The following PPP3CA variants were observed in gnomAD, a reference collection of about 807,000 sequenced individuals.
The protein encoded by PPP3CA is protein phosphatase 3 catalytic subunit alpha.
PPP3CA carries 14 observed loss-of-function variants against 66.5 expected under a neutral mutation model. The observed-to-expected ratio is 0.21, with a 90% CI of 0.14 to 0.33. The LOEUF (loss-of-function observed/expected upper bound fraction) is 0.33. PPP3CA is among the 10% of genes least tolerant of loss of function. The probability of loss-of-function intolerance (pLI) is 1.00; values close to 1 mark genes in which losing one functional copy is unlikely to be tolerated. For missense variants in PPP3CA, 317 were observed against 639.5 expected, an observed-to-expected ratio of 0.50 and a Z score of 5.44; for synonymous variants, 232 against 226.2, an observed-to-expected ratio of 1.03 and a Z score of -0.23.
intron 9 of PPP3CA, among the ~76,000 whole-genome samples, chr4:101,062,029 C>T (rs951466800): frequency 6.6e-6 from 1 of 151,984 alleles, no homozygotes; most frequent in Non-Finnish European, 1.5e-5. Flanking sequence ...TCCAGAGTTT[C>T]AGTTTAATTA....
intron 1 of PPP3CA, among the ~76,000 whole-genome samples, chr4:101,251,801 C>T (rs1169219818): frequency 6.6e-6 from 1 of 152,130 alleles, no homozygotes; most frequent in African/African-American, 2.4e-5. Context: ...CTGGAAGAAA[C>T]TTTCATCATT....
Position 101,130,597 on chromosome 4 carries a change from C to T in PPP3CA, c.260-21519G>A, listed in dbSNP as rs570810773. On this transcript the variant is annotated intron_variant, in intron 2 of 13. Transcript: ENST00000394854. ...CCAGAAGAGAGTGGGGGCCAATATT[C>T]AGCATTCTAAAAGAAAAGAATTTTC... 2.0e-5 allele frequency among the ~76,000 whole-genome samples: 3 copies of T among 152,256 alleles called. No individual in the cohort carries two copies. The East Asian group carries it at 5.8e-4, about 29-fold the overall frequency.
At chr4:101,123,304 T>C (rs1034169963) in intron 2 of PPP3CA, among the ~76,000 whole-genome samples, 2 of 152,140 alleles carry the variant, frequency 1.3e-5, no homozygotes, top group African/African-American at 4.8e-5. Flanking sequence ...ATGGGCATTG[T>C]TCATGGTGGA....
At chr4:101,081,855 C>G (rs556969494) in intron 7 of PPP3CA, among the ~76,000 whole-genome samples, 1 of 152,270 alleles carries the variant, frequency 6.6e-6, no homozygotes, top group African/African-American at 2.4e-5. Flanking sequence ...AAACAAAATC[C>G]ATGTGAAAGA....
At chr4:101,204,554 CA>C (rs1725070660) in intron 1 of PPP3CA, among the ~76,000 whole-genome samples, 2 of 147,916 alleles carry the variant, frequency 1.4e-5, no homozygotes, top group African/African-American at 5.0e-5. Context: ...GAGAATGGCG[CA>C]AACCTGGGAA....
chr4:101,057,273 T>C (rs1306887230), intron 10 of PPP3CA, among the ~76,000 whole-genome samples: 1 of 152,168 alleles, frequency 6.6e-6, no homozygotes, highest in African/African-American at 2.4e-5. Context: ...GCCAGGCTAG[T>C]CTCCAACTCC....
intron 2 of PPP3CA, among the ~76,000 whole-genome samples, chr4:101,150,893 T>C (rs1295252875): frequency 3.3e-5 from 5 of 152,174 alleles, no homozygotes; most frequent in Non-Finnish European, 5.9e-5. Context: ...AAAGTCCCAG[T>C]CCTTAGGGGA....
chr4:101,205,317 T>TA (rs1725096461), intron 1 of PPP3CA, among the ~76,000 whole-genome samples: 2 of 152,102 alleles, frequency 1.3e-5, no homozygotes, highest in African/African-American at 4.8e-5. Context: ...GGTACATTTT[T>TA]AAAAATTTAT....
At chr4:101,037,236 T>C (rs1211429375) in intron 11 of PPP3CA, among the ~76,000 whole-genome samples, 1 of 152,206 alleles carries the variant, frequency 6.6e-6, no homozygotes, top group African/African-American at 2.4e-5. Context: ...ATTCCACACC[T>C]GACAGGACAA....
intron 2 of PPP3CA, among the ~76,000 whole-genome samples, chr4:101,124,501 A>C (rs550036138): frequency 3.9e-5 from 6 of 151,914 alleles, no homozygotes; most frequent in Admixed American, 2.6e-4. Context: ...AATCTCAGCT[A>C]CTTGGAAGGC....
intron 13 of PPP3CA, among the ~76,000 whole-genome samples, chr4:101,028,482 G>A (rs1265117175): frequency 6.6e-6 from 1 of 152,142 alleles, no homozygotes; most frequent in African/African-American, 2.4e-5. Flanking sequence ...CAGACACTCA[G>A]TACACATTCA....
In PPP3CA at chr4:101,025,857, G is replaced by A. The variant is rs112303474; in HGVS notation, c.*8C>T. 1.3e-3 allele frequency: 1,459 copies of A among 1,109,424 alleles called. 11 individuals carry two copies. In the African/African-American group the frequency reaches 0.02, roughly 15 times the overall value. 68.7% of individuals were successfully genotyped at this position (1,109,424 alleles called of 1,614,324 possible). A position where few individuals can be genotyped will look rare whatever the true frequency, so the allele number is the denominator to read the frequency against. On this transcript the variant is annotated 3_prime_UTR_variant, in exon 14 of 14. Transcript: ENST00000394854. ...AAAAAAAAAAAAAAAAAAGTGAACA[G>A]GAAGTGGTCACTGAATATTGCTGCT...
chr4:101,249,866 T>C (rs1726617881), intron 1 of PPP3CA, among the ~76,000 whole-genome samples: 1 of 152,142 alleles, frequency 6.6e-6, no homozygotes, highest in Non-Finnish European at 1.5e-5. Flanking sequence ...TTGAAGACAG[T>C]TCCCTCAATA....
chr4:101,119,952 G>A (rs1721973208), intron 2 of PPP3CA, among the ~76,000 whole-genome samples: 1 of 152,008 alleles, frequency 6.6e-6, no homozygotes, highest in South Asian at 2.1e-4. Context: ...GTTATGTGCA[G>A]CATATTTGGA....
intron 12 of PPP3CA, among the ~76,000 whole-genome samples, chr4:101,030,758 C>T (rs529641969): frequency 5.6e-4 from 86 of 152,214 alleles, no homozygotes; most frequent in Non-Finnish European, 1.1e-3. Flanking sequence ...ATTAAATGTT[C>T]TAAAGCGAAT....
chr4:101,343,568 C>G (rs1345518672), intron 1 of PPP3CA, among the ~76,000 whole-genome samples: 2 of 145,702 alleles, frequency 1.4e-5, no homozygotes, highest in Admixed American at 7.1e-5. Context: ...AGGTCATTAC[C>G]AAGATGTTTT....
intron 1 of PPP3CA, among the ~76,000 whole-genome samples, chr4:101,262,341 C>T (rs763603368): frequency 1.3e-5 from 2 of 151,996 alleles, no homozygotes; most frequent in African/African-American, 4.8e-5. Context: ...TAATTCATAT[C>T]GTTAAGGCAC....
At chr4:101,087,353 T>C (rs777618538) in intron 6 of PPP3CA, among the ~76,000 whole-genome samples, 3 of 152,188 alleles carry the variant, frequency 2.0e-5, no homozygotes, top group Non-Finnish European at 1.5e-5. Context: ...AAAACATCTA[T>C]ACAGAAAAAG....
intron 3 of PPP3CA, among the ~76,000 whole-genome samples, chr4:101,106,453 G>GAAAGGA (rs775018059): frequency 2.8e-5 from 1 of 35,512 alleles, no homozygotes; most frequent in African/African-American, 1.4e-4. Context: ...AAGAAAGAAA[G>GAAAGGA]AGAAAAGAAA....
Sources: gnomAD v4.1 joint callset for allele counts (sites outside exome capture counted in the v4.1 genomes callset) on GRCh38, gnomAD v4.1.1 for gene constraint, MANE v1.5 for transcripts, NCBI Gene and HGNC (gene_info 2026-07-23, HGNC 2026-07-21) for gene names.